RND1: variants seen among roughly 807,000 people sequenced by gnomAD.
RND1 encodes the protein Rho family GTPase 1.
Under a neutral mutation model 27.1 loss-of-function variants are expected in RND1, and 9 were observed. That is an observed-to-expected ratio of 0.33 (90% CI 0.20 to 0.58). RND1 has a LOEUF of 0.58. RND1 is among the 20% of genes least tolerant of loss of function. The probability of loss-of-function intolerance (pLI) is 0.86; values close to 1 mark genes in which losing one functional copy is unlikely to be tolerated. For missense variants in RND1, 253 were observed against 292.2 expected, an observed-to-expected ratio of 0.87 and a Z score of 0.98; for synonymous variants, 108 against 115.7, an observed-to-expected ratio of 0.93 and a Z score of 0.43.
At chr12:48,864,094 C>G (rs911740907) in intron 2 of RND1, among the ~76,000 whole-genome samples, 1 of 152,118 alleles carries the variant, frequency 6.6e-6, no homozygotes, top group African/African-American at 2.4e-5. Context: ...AGCCAACCTC[C>G]CCTCTGCCCT....
intron 3 of RND1, 142 bp downstream of exon 3, chr12:48,861,867 C>A: frequency 1.5e-6 from 1 of 669,660 alleles, no homozygotes; most frequent in Non-Finnish European, 2.7e-6. Context: ...AGAGCTGTAG[C>A]TAATGGTGTG....
At position 48,857,653 on chromosome 12, in the gene RND1, A is replaced by G. The variant is rs1485768312; in HGVS notation, c.*343T>C. 1.6e-5 allele frequency: 3 copies of G among 190,506 alleles called. No individual in the cohort carries two copies. The highest frequency in any genetic ancestry group is 2.4e-5 in the African/African-American group (1 of 42,350). 11.8% of individuals were successfully genotyped at this position (190,506 alleles called of 1,614,324 possible). ...CATGGAAACGCTGTGTGGAAGAGGC[A>G]TGAAGCTGAAGGTGAGGCTGCTGTA... is the stretch of plus-strand genomic sequence containing the variant. On this transcript the variant is annotated 3_prime_UTR_variant, in exon 5 of 5. Transcript: ENST00000309739.
At chr12:48,864,414 TGTGC>T (rs1432890646) in intron 2 of RND1, among the ~76,000 whole-genome samples, 37 of 109,338 alleles carry the variant, frequency 3.4e-4, no homozygotes, top group East Asian at 5.4e-4. Flanking sequence ...TGTGTGTGTG[TGTGC>T]GCGCGCGCGC....
At chr12:48,864,944 G>A (rs112282421) in intron 1 of RND1, 74 bp from the exon 2 acceptor site, 8 of 1,062,832 alleles carry the variant, frequency 7.5e-6, no homozygotes, top group African/African-American at 1.6e-5. Flanking sequence ...GGCTACACAC[G>A]CACTCACCAG....
At chr12:48,860,952 C>T (rs1242087474) in intron 4 of RND1, 45 bp downstream of exon 4, 6 of 1,611,282 alleles carry the variant, frequency 3.7e-6, no homozygotes, top group African/African-American at 2.7e-5. Flanking sequence ...CTGCCTCTAG[C>T]CTTCCTCACT....
chr12:48,861,750 T>G (rs1938921672), intron 3 of RND1, among the ~76,000 whole-genome samples: 2 of 152,092 alleles, frequency 1.3e-5, no homozygotes, highest in Non-Finnish European at 2.9e-5. Flanking sequence ...GTCCTCTGCT[T>G]CCTGAGTCTT....
chr12:48,862,174 G>T, intron 2 of RND1, 56 bp from the exon 3 acceptor site: 1 of 1,049,130 alleles, frequency 9.5e-7, no homozygotes, highest in Non-Finnish European at 1.5e-6. Flanking sequence ...TTCCCCAATA[G>T]GCCTAAGCCC....
chr12:48,865,612 G>T (rs755983850), intron 1 of RND1, 36 bp downstream of exon 1: 2 of 1,588,834 alleles, frequency 1.3e-6, no homozygotes, highest in Non-Finnish European at 1.7e-6. Context: ...GGCAGGCAGG[G>T]AGAAAAGCCG....
At chr12:48,864,076 A>G (rs192688648) in intron 2 of RND1, among the ~76,000 whole-genome samples, 1 of 152,192 alleles carries the variant, frequency 6.6e-6, no homozygotes, top group East Asian at 1.9e-4. Flanking sequence ...TAGAGGGAAA[A>G]CAGTCAGAGC....
chr12:48,860,940 G>A (rs967929191), intron 4 of RND1, 57 bp downstream of exon 4: 3 of 1,609,276 alleles, frequency 1.9e-6, no homozygotes, highest in African/African-American at 1.3e-5. Context: ...ATTTCAAGCT[G>A]TCTGCCTCTA....
intron 4 of RND1, among the ~76,000 whole-genome samples, chr12:48,860,015 T>C (rs1938898980): frequency 6.6e-6 from 1 of 151,994 alleles, no homozygotes; most frequent in Non-Finnish European, 1.5e-5. Flanking sequence ...TGACCTGAAG[T>C]GATCCACCTG....
In RND1 at chr12:48,865,706, TC is replaced by T; in HGVS notation, c.61del (p.Asp21ThrfsTer13). On this transcript the variant is annotated frameshift_variant, in exon 1 of 5. Transcript: ENST00000309739. LOFTEE classifies it high-confidence loss of function. ...VARCKLVLVG[D>X]VQCGKTAMLQ... ...CATCGCGGTCTTCCCACACTGCACG[TC>T]CCCGACCAGAACGAGCTTACATCTG... The T allele has an allele frequency of 6.2e-7, 1 of 1,613,974 alleles. No individual in the cohort carries two copies. Among genetic ancestry groups the T allele is most frequent in the Non-Finnish European group, 8.5e-7 (1 of 1,179,926 alleles).
chr12:48,865,556 TGG>T, intron 1 of RND1, 90 bp downstream of exon 1: 1 of 1,443,704 alleles, frequency 6.9e-7, no homozygotes, highest in Non-Finnish European at 9.5e-7. Flanking sequence ...GGGCTGGGGC[TGG>T]GGGAGCCACG....
At position 48,857,848 on chromosome 12, in the gene RND1, G is replaced by T; in HGVS notation, c.*148C>A. On this transcript the variant is annotated 3_prime_UTR_variant, in exon 5 of 5. Transcript: ENST00000309739. ...TCATGCCGGGCCTGGCTCCTTCCTC[G>T]CCCCATTCCTGTCTCCTTCCAAGCC... 2.2e-6 allele frequency: 2 copies of T among 903,278 alleles called. No individual in the cohort carries two copies. Among genetic ancestry groups the T allele is most frequent in the Non-Finnish European group, 3.2e-6 (2 of 624,352 alleles). The allele number at this position is 903,278 out of a possible 1,614,324, so 56.0% of individuals were successfully genotyped here.
chr12:48,865,298 A>G, intron 1 of RND1: 1 of 390,026 alleles, frequency 2.6e-6, no homozygotes, highest in Non-Finnish European at 4.8e-6. Context: ...GGAGCAGGTG[A>G]GCGGATAGGC....
rs774896787 is a variant in RND1 at position 48,857,950 on chromosome 12, C to T, written c.*46G>A. 1.3e-6 allele frequency: 2 copies of T among 1,548,766 alleles called. No homozygotes were observed. The highest frequency in any genetic ancestry group is 2.5e-5 in the South Asian group (2 of 78,838). On this transcript the variant is annotated 3_prime_UTR_variant, in exon 5 of 5. Coordinates refer to ENST00000309739, the MANE Select transcript of RND1 (RefSeq NM_014470.4). ...CCTCCCTCTCCCCGTGCCTCTGCAC[C>T]CCAAGGGAGGAAGTAGGGGGTTGTC...
chr12:48,861,054 G>T lies in RND1; in HGVS notation c.396C>A (p.Asp132Glu). 2 of 1,614,124 alleles carry T rather than the reference G, an allele frequency of 1.2e-6. No individual in the cohort carries two copies. The highest frequency in any genetic ancestry group is 1.7e-6 in the Non-Finnish European group (2 of 1,180,044). ...LIGCKTDLRT[D>E]LSTLMELSHQ... Reference sequence around the variant, plus strand: ...GGGACAGCTCCATCAGAGTACTCAGGTCTGTTCGCAGGTCTGTCTTGCAGC... The same window carrying T: ...GGGACAGCTCCATCAGAGTACTCAGTTCTGTTCGCAGGTCTGTCTTGCAGC... The change falls in exon 4 of 5, where the codon GAC becomes GAA. Residue 132 changes from aspartate to glutamate, a missense_variant. By Grantham distance (45) the Asp-to-Glu change is conservative (BLOSUM62 2). Transcript: ENST00000309739.
At chr12:48,864,952 CAG>C (rs1938968240) in intron 1 of RND1, 82 bp from the exon 2 acceptor site, 2 of 1,004,502 alleles carry the variant, frequency 2.0e-6, no homozygotes, top group African/African-American at 1.6e-5. Context: ...ACGCACTCAC[CAG>C]AGAGACAGTA....
intron 4 of RND1, 167 bp from the exon 5 acceptor site, chr12:48,858,408 G>A: frequency 3.9e-6 from 2 of 517,134 alleles, no homozygotes; most frequent in Non-Finnish European, 6.1e-6. Flanking sequence ...TTTTTTTTTT[G>A]GCATACACCC....
Sources: gnomAD v4.1 joint callset for allele counts (sites outside exome capture counted in the v4.1 genomes callset) on GRCh38, gnomAD v4.1.1 for gene constraint, MANE v1.5 for transcripts, NCBI Gene and HGNC (gene_info 2026-07-23, HGNC 2026-07-21) for gene names.